SEMA5A: variants seen among roughly 807,000 people sequenced by gnomAD.
SEMA5A encodes semaphorin-5A.
In SEMA5A, 55 loss-of-function variants were observed where a neutral mutation model predicts 135.5. That is an observed-to-expected ratio of 0.41 (90% CI 0.33 to 0.51). The LOEUF is 0.51. SEMA5A is among the 20% of genes least tolerant of loss of function. SEMA5A has a pLI of 0.37. For missense variants in SEMA5A, 1,290 were observed against 1,419.9 expected, an observed-to-expected ratio of 0.91 and a Z score of 1.47; for synonymous variants, 580 against 546.5, an observed-to-expected ratio of 1.06 and a Z score of -0.85.
intron 2 of SEMA5A, chr5:9,380,235 T>A (rs997438669): frequency 9.2e-6 from 3 of 325,222 alleles, no homozygotes; most frequent in African/African-American, 6.3e-5. Flanking sequence ...AATACAGACC[T>A]CTCATTCTCC....
At chr5:9,100,693 A>G (rs910064327) in intron 16 of SEMA5A, among the ~76,000 whole-genome samples, 1 of 152,122 alleles carries the variant, frequency 6.6e-6, no homozygotes, top group Non-Finnish European at 1.5e-5. Context: ...ACAGGGGCCA[A>G]GCTATGATGC....
intron 13 of SEMA5A, among the ~76,000 whole-genome samples, chr5:9,128,104 A>G (rs1345540422): frequency 6.6e-6 from 1 of 152,242 alleles, no homozygotes; most frequent in African/African-American, 2.4e-5. Flanking sequence ...CTTTGAAAAA[A>G]AGAGGATTTG....
chr5:9,433,009 A>T (rs566955158), intron 2 of SEMA5A, among the ~76,000 whole-genome samples: 2 of 152,350 alleles, frequency 1.3e-5, no homozygotes, highest in East Asian at 1.9e-4. Flanking sequence ...TAAAAGAATG[A>T]GAAAATTTAA....
intron 16 of SEMA5A, among the ~76,000 whole-genome samples, chr5:9,071,454 G>A (rs1380036039): frequency 4.6e-5 from 7 of 152,084 alleles, no homozygotes; most frequent in South Asian, 4.2e-4. Context: ...ACTTTGTCAC[G>A]TTTATTTTAT....
At chr5:9,464,884 C>G (rs1579584740) in intron 1 of SEMA5A, among the ~76,000 whole-genome samples, 1 of 152,356 alleles carries the variant, frequency 6.6e-6, no homozygotes, top group East Asian at 1.9e-4. Context: ...CAGCGGTCTG[C>G]AGCCACCATG....
chr5:9,291,007 C>T (rs1417020922), intron 5 of SEMA5A, among the ~76,000 whole-genome samples: 1 of 152,166 alleles, frequency 6.6e-6, no homozygotes. Context: ...AAGTGAGGCA[C>T]CAGCATCAAC....
intron 8 of SEMA5A, among the ~76,000 whole-genome samples, chr5:9,215,981 T>C (rs957295751): frequency 1.3e-5 from 2 of 152,182 alleles, no homozygotes; most frequent in Non-Finnish European, 2.9e-5. Flanking sequence ...CTATATATGA[T>C]GCATACCTGA....
At position 9,219,733 on chromosome 5, in the gene SEMA5A, T is replaced by G. The variant is rs80122094; in HGVS notation, c.646+4941A>C. Reference sequence around the variant, plus strand: ...GTTTGGGCAAATAAATGTCTGCTGTTTAAGCACCCAGGCTGTGATACTTTG... The same window carrying G: ...GTTTGGGCAAATAAATGTCTGCTGTGTAAGCACCCAGGCTGTGATACTTTG... On this transcript the variant is annotated intron_variant, in intron 8 of 22. Coordinates refer to ENST00000382496, the MANE Select transcript of SEMA5A (RefSeq NM_003966.3). 4.7e-3 allele frequency among the ~76,000 whole-genome samples: 715 copies of G among 152,286 alleles called. 2 individuals carry two copies. Among genetic ancestry groups the G allele is most frequent in the Non-Finnish European group, 7.4e-3 (504 of 68,020 alleles).
intron 1 of SEMA5A, among the ~76,000 whole-genome samples, chr5:9,479,810 C>A (rs2126775245): frequency 6.6e-6 from 1 of 152,306 alleles, no homozygotes; most frequent in South Asian, 2.1e-4. Context: ...GATGGCCACT[C>A]CCTCACTAGC....
At chr5:9,246,207 T>C (rs1748473970) in intron 5 of SEMA5A, among the ~76,000 whole-genome samples, 1 of 150,696 alleles carries the variant, frequency 6.6e-6, no homozygotes, top group African/African-American at 2.5e-5. Context: ...ATCGTCAAAT[T>C]TGCAAGACTA....
intron 16 of SEMA5A, among the ~76,000 whole-genome samples, chr5:9,072,345 A>G (rs1561124848): frequency 6.6e-6 from 1 of 152,170 alleles, no homozygotes; most frequent in Non-Finnish European, 1.5e-5. Flanking sequence ...AGAATGCCAA[A>G]GTGGCTGAAA....
chr5:9,123,258 CAAAAAAAAAAAAA>C (rs57533658), intron 13 of SEMA5A, among the ~76,000 whole-genome samples: 72 of 38,916 alleles, frequency 1.9e-3, no homozygotes, highest in Non-Finnish European at 2.3e-3. Context: ...GACTCCGCCT[CAAAAAAAAAAAAA>C]AAAAAAAAAA....
chr5:9,197,039 A>G (rs2150358838), intron 10 of SEMA5A, 129 bp downstream of exon 10: 1 of 1,309,256 alleles, frequency 7.6e-7, no homozygotes, highest in Non-Finnish European at 1.1e-6. Flanking sequence ...GGGGCTGTCC[A>G]TGAGGGGCCA....
At chr5:9,362,097 G>T (rs3797999) in intron 3 of SEMA5A, among the ~76,000 whole-genome samples, 21 of 152,026 alleles carry the variant, frequency 1.4e-4, no homozygotes, top group Admixed American at 4.6e-4. Flanking sequence ...TCTCGTCTTG[G>T]GGGGTGAATC....
At chr5:9,480,861 T>A (rs1759850202) in intron 1 of SEMA5A, among the ~76,000 whole-genome samples, 1 of 152,198 alleles carries the variant, frequency 6.6e-6, no homozygotes, top group Non-Finnish European at 1.5e-5. Flanking sequence ...CATGGACACA[T>A]AGATATGCTC....
intron 5 of SEMA5A, among the ~76,000 whole-genome samples, chr5:9,292,418 T>C (rs1023868039): frequency 1.3e-4 from 20 of 152,178 alleles, no homozygotes; most frequent in Admixed American, 5.9e-4. Context: ...TTAAGTAACT[T>C]GCCCGAGGAC....
intron 1 of SEMA5A, among the ~76,000 whole-genome samples, chr5:9,484,337 T>A (rs1759995452): frequency 2.0e-5 from 3 of 152,198 alleles, no homozygotes; most frequent in Admixed American, 1.3e-4. Context: ...ACAGTCAGAA[T>A]AATAAAAAGA....
intron 3 of SEMA5A, among the ~76,000 whole-genome samples, chr5:9,374,624 TGTG>T (rs1755283131): frequency 3.8e-5 from 1 of 26,380 alleles, no homozygotes; most frequent in Non-Finnish European, 7.1e-5. Flanking sequence ...CAAGACATCG[TGTG>T]TGTGTGTGTG....
intron 1 of SEMA5A, among the ~76,000 whole-genome samples, chr5:9,514,446 G>A (rs1736395077): frequency 6.6e-6 from 1 of 152,116 alleles, no homozygotes; most frequent in Admixed American, 6.5e-5. Context: ...TAGAACTACA[G>A]TCATCCTTCA....
Sources: allele counts gnomAD v4.1 joint callset (sites outside exome capture counted in the v4.1 genomes callset), GRCh38; gene constraint gnomAD v4.1.1; transcripts MANE v1.5; gene names NCBI Gene and HGNC (gene_info 2026-07-23, HGNC 2026-07-21).